The following CSMD3 variants were observed in gnomAD, a reference collection of about 807,000 sequenced individuals.
The protein encoded by CSMD3 is CUB and sushi domain-containing protein 3.
In CSMD3, 177 loss-of-function variants were observed where a neutral mutation model predicts 435.2. The ratio of observed to expected loss-of-function variants is 0.41; its 90% CI spans 0.36 to 0.46. The LOEUF (loss-of-function observed/expected upper bound fraction) is 0.46, where lower values mean the gene tolerates loss of function less well. Among genes scored for constraint, CSMD3 ranks in the 20% least tolerant of loss-of-function variants. CSMD3 has a pLI of 0.34. For missense variants in CSMD3, 4,265 were observed against 4,504.6 expected (o/e 0.95, Z 1.52); for synonymous variants, 1,656 against 1,520.5 (o/e 1.09, Z -2.07).
At chr8:112,853,237 T>G (rs2080545510) in intron 11 of CSMD3, among the ~76,000 whole-genome samples, 2 of 152,136 alleles carry the variant, frequency 1.3e-5, no homozygotes, top group Admixed American at 6.5e-5. Context: ...TTTTTCTTTT[T>G]TTCCTTGAGA....
chr8:112,293,614 T>C (rs1247082198), intron 54 of CSMD3, among the ~76,000 whole-genome samples: 1 of 152,154 alleles, frequency 6.6e-6, no homozygotes, highest in Admixed American at 6.6e-5. Flanking sequence ...TTTGATAATA[T>C]AATTTTTCTT....
At chr8:112,305,244 G>A (rs966433567) in intron 51 of CSMD3, among the ~76,000 whole-genome samples, 1 of 152,028 alleles carries the variant, frequency 6.6e-6, no homozygotes, top group Non-Finnish European at 1.5e-5. Flanking sequence ...TTTTTTTGAT[G>A]TGAATGGCCT....
chr8:112,280,633 T>C (rs763505633), intron 59 of CSMD3, among the ~76,000 whole-genome samples: 3 of 152,158 alleles, frequency 2.0e-5, no homozygotes, highest in Non-Finnish European at 4.4e-5. Context: ...ATAATGTGTA[T>C]AATTTTAAGA....
At chr8:112,260,708 A>C (rs899340101) in intron 61 of CSMD3, among the ~76,000 whole-genome samples, 1 of 152,066 alleles carries the variant, frequency 6.6e-6, no homozygotes, top group Non-Finnish European at 1.5e-5. Flanking sequence ...GATGTTTGCT[A>C]AGATGACCTC....
chr8:112,699,221 C>A (rs1483669974), intron 13 of CSMD3, among the ~76,000 whole-genome samples: 1 of 152,130 alleles, frequency 6.6e-6, no homozygotes, highest in Non-Finnish European at 1.5e-5. Context: ...AGAGCTGTAA[C>A]ACTCACTGCA....
At chr8:112,606,977 A>G (rs1428944534) in intron 22 of CSMD3, among the ~76,000 whole-genome samples, 5 of 138,650 alleles carry the variant, frequency 3.6e-5, no homozygotes, top group African/African-American at 1.1e-4. Flanking sequence ...GCTATGAAAA[A>G]AAAAAAAAAA....
At chr8:112,786,720 T>C (rs749166744) in intron 13 of CSMD3, among the ~76,000 whole-genome samples, 5 of 152,112 alleles carry the variant, frequency 3.3e-5, no homozygotes, top group African/African-American at 4.8e-5. Flanking sequence ...TGAGATATCA[T>C]GTCACTCTGA....
At chr8:113,017,646 A>G (rs193222989) in intron 6 of CSMD3, among the ~76,000 whole-genome samples, 43 of 152,114 alleles carry the variant, frequency 2.8e-4, no homozygotes, top group Non-Finnish European at 4.4e-4. Context: ...CCACAGAGTT[A>G]GGTGGATGAA....
intron 17 of CSMD3, among the ~76,000 whole-genome samples, chr8:112,664,486 T>C (rs1022704313): frequency 6.6e-6 from 1 of 152,118 alleles, no homozygotes; most frequent in East Asian, 1.9e-4. Flanking sequence ...AACCAATAAA[T>C]AGGGGATACG....
intron 3 of CSMD3, among the ~76,000 whole-genome samples, chr8:113,198,547 C>T (rs1475835054): frequency 6.6e-6 from 1 of 151,132 alleles, no homozygotes; most frequent in Non-Finnish European, 1.5e-5. Context: ...TCTTTTCCTT[C>T]CACTTCATAC....
chr8:113,352,213 T>A (rs1215583437), intron 1 of CSMD3, among the ~76,000 whole-genome samples: 1 of 152,142 alleles, frequency 6.6e-6, no homozygotes, highest in Non-Finnish European at 1.5e-5. Flanking sequence ...ATCTTTTGAA[T>A]AGACCATCCT....
intron 6 of CSMD3, among the ~76,000 whole-genome samples, chr8:113,002,222 G>A (rs573055181): frequency 4.6e-5 from 7 of 152,036 alleles, no homozygotes; most frequent in South Asian, 2.1e-4. Flanking sequence ...TGAGACTCCC[G>A]GAGCAGCTAA....
At chr8:113,411,232 T>G (rs564643422) in intron 1 of CSMD3, among the ~76,000 whole-genome samples, 1 of 152,244 alleles carries the variant, frequency 6.6e-6, no homozygotes, top group African/African-American at 2.4e-5. Context: ...CAGAGGATAG[T>G]GCTTTCTGGC....
chr8:112,980,578 C>T (rs1286488663), intron 6 of CSMD3, among the ~76,000 whole-genome samples: 1 of 151,194 alleles, frequency 6.6e-6, no homozygotes, highest in Admixed American at 6.6e-5. Flanking sequence ...CTATTCAAGC[C>T]ATCATTTGGA....
At chr8:112,673,794 G>T (rs966321566) in intron 16 of CSMD3, among the ~76,000 whole-genome samples, 6 of 152,098 alleles carry the variant, frequency 3.9e-5, no homozygotes, top group Non-Finnish European at 7.4e-5. Flanking sequence ...TTCACTCAAA[G>T]AATTCTCTTA....
chr8:113,208,098 T>C (rs571603173), intron 3 of CSMD3, among the ~76,000 whole-genome samples: 1 of 152,310 alleles, frequency 6.6e-6, no homozygotes, highest in African/African-American at 2.4e-5. Flanking sequence ...AAACTTCTTT[T>C]TCTTTGGAAA....
intron 47 of CSMD3, among the ~76,000 whole-genome samples, chr8:112,318,148 C>G (rs141484882): frequency 6.6e-6 from 1 of 152,078 alleles, no homozygotes; most frequent in African/African-American, 2.4e-5. Context: ...GCATATATAT[C>G]TGCCACTTAG....
At chr8:113,064,953 T>C (rs758295871) in intron 5 of CSMD3, among the ~76,000 whole-genome samples, 1 of 152,156 alleles carries the variant, frequency 6.6e-6, no homozygotes, top group Non-Finnish European at 1.5e-5. Context: ...AAATTTAGCT[T>C]GAATACTTTT....
intron 2 of CSMD3, among the ~76,000 whole-genome samples, chr8:113,279,856 A>G (rs552072507): frequency 6.6e-6 from 1 of 151,770 alleles, no homozygotes; most frequent in African/African-American, 2.4e-5. Flanking sequence ...TAGTTATTAA[A>G]CATCTTTTTC....
Sources: allele counts gnomAD v4.1 joint callset (sites outside exome capture counted in the v4.1 genomes callset), GRCh38; gene constraint gnomAD v4.1.1; transcripts MANE v1.5; gene names NCBI Gene and HGNC (gene_info 2026-07-23, HGNC 2026-07-21).